The following C7orf78 variants were observed in gnomAD, a reference collection of about 807,000 sequenced individuals.
C7orf78 encodes the protein putative uncharacterized protein C7orf78.
At chr7:12,484,495 C>T in the C7orf78 span, among the ~76,000 whole-genome samples, 1 of 152,126 alleles carries the variant, frequency 6.6e-6, no homozygotes, top group Non-Finnish European at 1.5e-5. Context: ...TTTAAATAAA[C>T]TCTCTGTAGT....
At chr7:12,499,453 T>G in the C7orf78 span, among the ~76,000 whole-genome samples, 18 of 149,252 alleles carry the variant, frequency 1.2e-4, no homozygotes, top group East Asian at 2.0e-4. Flanking sequence ...AAACAGACTT[T>G]AAACCAACAA....
chr7:12,527,319 G>C, the C7orf78 span, among the ~76,000 whole-genome samples: 1 of 127,522 alleles, frequency 7.8e-6, no homozygotes, highest in Non-Finnish European at 1.6e-5. Context: ...CTGTGTAATT[G>C]AAATGGAACA....
the C7orf78 span, chr7:12,528,790 C>T: frequency 2.5e-6 from 1 of 395,402 alleles, no homozygotes; most frequent in Non-Finnish European, 4.5e-6. Context: ...TATAAATTAT[C>T]CAGCGACTTA....
At chr7:12,539,548 G>T in the C7orf78 span, among the ~76,000 whole-genome samples, 1 of 152,134 alleles carries the variant, frequency 6.6e-6, no homozygotes, top group South Asian at 2.1e-4. Flanking sequence ...AGAGTAGTTG[G>T]TCTGGCCTAT....
the C7orf78 span, among the ~76,000 whole-genome samples, chr7:12,490,736 T>C: frequency 1.3e-5 from 2 of 151,884 alleles, no homozygotes; most frequent in South Asian, 4.1e-4. Context: ...AAACAAAACA[T>C]CAATAACCAA....
chr7:12,500,569 G>C, the C7orf78 span, among the ~76,000 whole-genome samples: 1 of 150,842 alleles, frequency 6.6e-6, no homozygotes, highest in African/African-American at 2.4e-5. Flanking sequence ...AACAGGATCT[G>C]AAATTGTGGC....
At chr7:12,487,299 C>G in the C7orf78 span, among the ~76,000 whole-genome samples, 1 of 152,006 alleles carries the variant, frequency 6.6e-6, no homozygotes, top group African/African-American at 2.4e-5. Flanking sequence ...TTAAATTTTA[C>G]AAGTCTGTCT....
the C7orf78 span, among the ~76,000 whole-genome samples, chr7:12,489,783 A>T: frequency 6.6e-6 from 1 of 152,266 alleles, no homozygotes; most frequent in Non-Finnish European, 1.5e-5. Context: ...AGATATGGAT[A>T]GGACCAATAT....
At chr7:12,515,047 A>G in the C7orf78 span, among the ~76,000 whole-genome samples, 1 of 152,150 alleles carries the variant, frequency 6.6e-6, no homozygotes, top group South Asian at 2.1e-4. Context: ...TTGTTTTTAT[A>G]AACTTGTCTT....
the C7orf78 span, chr7:12,491,199 A>C: frequency 6.6e-6 from 1 of 152,226 alleles, no homozygotes; most frequent in Non-Finnish European, 1.5e-5. Context: ...ACTGTAATGA[A>C]TTGATCAAAC....
At chr7:12,515,708 T>C in the C7orf78 span, among the ~76,000 whole-genome samples, 1,209 of 152,234 alleles carry the variant, frequency 7.9e-3, 17 homozygotes, top group African/African-American at 0.027. Flanking sequence ...TGGTCTCAGA[T>C]GGAGATGAGG....
At chr7:12,530,909 C>G in the C7orf78 span, 3 of 395,330 alleles carry the variant, frequency 7.6e-6, no homozygotes, top group African/African-American at 6.2e-5. Context: ...AATACAGATA[C>G]ACTTTTAAAG....
chr7:12,523,320 C>T, the C7orf78 span: 79 of 398,278 alleles, frequency 2.0e-4, no homozygotes, highest in Non-Finnish European at 3.2e-4. Flanking sequence ...AAATTTATAA[C>T]TACATTTCCA....
the C7orf78 span, among the ~76,000 whole-genome samples, chr7:12,518,649 A>G: frequency 2.0e-5 from 3 of 152,098 alleles, no homozygotes; most frequent in Non-Finnish European, 4.4e-5. Flanking sequence ...AATAGATAGA[A>G]TAATCACCAA....
At chr7:12,536,063 C>G in the C7orf78 span, among the ~76,000 whole-genome samples, 1 of 152,160 alleles carries the variant, frequency 6.6e-6, no homozygotes, top group Non-Finnish European at 1.5e-5. Context: ...GTCTGTAGGA[C>G]AGTAGCCCTC....
At chr7:12,495,792 A>G in the C7orf78 span, among the ~76,000 whole-genome samples, 3 of 152,210 alleles carry the variant, frequency 2.0e-5, no homozygotes, top group Non-Finnish European at 2.9e-5. Context: ...TTATACAAAC[A>G]TATGTAATTC....
At chr7:12,503,457 A>C in the C7orf78 span, among the ~76,000 whole-genome samples, 1 of 152,084 alleles carries the variant, frequency 6.6e-6, no homozygotes, top group African/African-American at 2.4e-5. Flanking sequence ...ATGCTTCAAA[A>C]CAATATGGGA....
At chr7:12,541,399 T>G in the C7orf78 span, 1 of 152,178 alleles carries the variant, frequency 6.6e-6, no homozygotes, top group Non-Finnish European at 1.5e-5. Context: ...ATGACTGTTA[T>G]GCTGTGTGGG....
the C7orf78 span, among the ~76,000 whole-genome samples, chr7:12,513,867 G>A: frequency 0.54 from 82,600 of 151,920 alleles, 24,683 homozygotes; most frequent in African/African-American, 0.79. Flanking sequence ...GGGCGTGGTG[G>A]TGGGTGCCTG....
Sources: gnomAD v4.1 joint callset for allele counts (sites outside exome capture counted in the v4.1 genomes callset) on GRCh38, gnomAD v4.1.1 for gene constraint, MANE v1.5 for transcripts, NCBI Gene and HGNC (gene_info 2026-07-23, HGNC 2026-07-21) for gene names.